Variants in CHCHD6 observed in about 807,000 individuals in gnomAD.
CHCHD6 encodes MICOS complex subunit MIC25.
Under a neutral mutation model 32.3 loss-of-function variants are expected in CHCHD6, and 28 were observed. The observed-to-expected ratio is 0.87, with a 90% CI of 0.64 to 1.19. The LOEUF (loss-of-function observed/expected upper bound fraction) is 1.19. Among genes scored for constraint, CHCHD6 ranks in the 50% most tolerant of loss-of-function variants. The pLI, the probability that CHCHD6 is intolerant of heterozygous loss-of-function variation, is 0.00. For missense variants in CHCHD6, 333 were observed against 307.0 expected, an observed-to-expected ratio of 1.08 and a Z score of -0.63; for synonymous variants, 122 against 117.5, an observed-to-expected ratio of 1.04 and a Z score of -0.25.
intron 6 of CHCHD6, among the ~76,000 whole-genome samples, chr3:126,934,351 C>T (rs2078447374): frequency 6.6e-6 from 1 of 152,090 alleles, no homozygotes; most frequent in Non-Finnish European, 1.5e-5. Context: ...GATTACCCTT[C>T]CCATTAGCTC....
intron 5 of CHCHD6, among the ~76,000 whole-genome samples, chr3:126,901,971 T>C (rs2077934668): frequency 6.6e-6 from 1 of 152,254 alleles, no homozygotes; most frequent in Admixed American, 6.5e-5. Context: ...CTACTCCTAC[T>C]GCCCTCCTTT....
At chr3:126,760,811 T>C (rs1287666908) in intron 4 of CHCHD6, among the ~76,000 whole-genome samples, 1 of 152,216 alleles carries the variant, frequency 6.6e-6, no homozygotes, top group Non-Finnish European at 1.5e-5. Flanking sequence ...TGCAAATATC[T>C]CTTCAAGACC....
At chr3:126,843,152 T>C (rs1477825891) in intron 4 of CHCHD6, among the ~76,000 whole-genome samples, 1 of 152,172 alleles carries the variant, frequency 6.6e-6, no homozygotes, top group African/African-American at 2.4e-5. Context: ...TTTTGTCAAA[T>C]GCTTTTCTTA....
chr3:126,870,049 G>A lies in CHCHD6; in HGVS notation c.495+17319G>A, dbSNP rs145923537. On this transcript the variant is annotated intron_variant, in intron 5 of 7. Transcript: ENST00000290913. ...CAGGTTGGAAAAGCATGGGCTTTGG[G>A]TTCATCCCTGGGTCAGATTCTTGTC... is the stretch of plus-strand genomic sequence containing the variant. Among the ~76,000 whole-genome samples, 242 of 152,270 alleles carry A rather than the reference G, an allele frequency of 1.6e-3. 2 individuals are homozygous for A. Among genetic ancestry groups the A allele is most frequent in the African/African-American group, 5.4e-3 (226 of 41,546 alleles).
chr3:126,941,621 G>T (rs1438154617), intron 6 of CHCHD6, among the ~76,000 whole-genome samples: 1 of 152,126 alleles, frequency 6.6e-6, no homozygotes, highest in Non-Finnish European at 1.5e-5. Context: ...GTCACTGTTG[G>T]TCTATTTTGA....
intron 4 of CHCHD6, among the ~76,000 whole-genome samples, chr3:126,734,859 G>T (rs550189589): frequency 6.6e-6 from 1 of 152,168 alleles, no homozygotes; most frequent in African/African-American, 2.4e-5. Context: ...GGCCTTGGAT[G>T]TGCTGAGGAG....
Position 126,852,324 on chromosome 3 carries a change from G to A in CHCHD6, c.412-323G>A, listed in dbSNP as rs968507053. On this transcript the variant is annotated intron_variant, in intron 4 of 7. Coordinates refer to ENST00000290913, the MANE Select transcript of CHCHD6 (RefSeq NM_032343.3). ...TCATCTGGCTTCTCATCTGTAGCAGGGGATCATGATGATCCCACCTGCCCT... is the reference window on the plus strand; with the variant it reads ...TCATCTGGCTTCTCATCTGTAGCAGAGGATCATGATGATCCCACCTGCCCT... Among the ~76,000 whole-genome samples, 5 of 152,234 alleles carry A rather than the reference G, an allele frequency of 3.3e-5. 1 individual carries two copies. The Middle Eastern group carries it at 0.014, about 414-fold the overall frequency.
At chr3:126,743,070 G>A (rs953709053) in intron 4 of CHCHD6, among the ~76,000 whole-genome samples, 2 of 152,084 alleles carry the variant, frequency 1.3e-5, no homozygotes, top group African/African-American at 4.8e-5. Context: ...CAAGGAGAAG[G>A]TGAAACGCAG....
At chr3:126,766,534 GTGA>G (rs1937377116) in intron 4 of CHCHD6, 2 of 906,832 alleles carry the variant, frequency 2.2e-6, no homozygotes, top group Non-Finnish European at 3.7e-6. Flanking sequence ...GTAGCCCATG[GTGA>G]CCTCTGAGAA....
chr3:126,866,047 G>A (rs371872859), intron 5 of CHCHD6, among the ~76,000 whole-genome samples: 65 of 152,168 alleles, frequency 4.3e-4, no homozygotes, highest in African/African-American at 1.5e-3. Flanking sequence ...TGAAAATGAG[G>A]ACACTGAGAG....
intron 4 of CHCHD6, among the ~76,000 whole-genome samples, chr3:126,820,842 A>G (rs1324033593): frequency 6.6e-6 from 1 of 152,188 alleles, no homozygotes; most frequent in African/African-American, 2.4e-5. Context: ...AATGTTCACT[A>G]TTCTAGTGGA....
At chr3:126,853,727 A>G (rs1230747150) in intron 5 of CHCHD6, among the ~76,000 whole-genome samples, 2 of 152,124 alleles carry the variant, frequency 1.3e-5, no homozygotes, top group African/African-American at 2.4e-5. Flanking sequence ...GTGATATTCC[A>G]TAGTCTGAGG....
chr3:126,823,457 T>C (rs1318383396), intron 4 of CHCHD6, among the ~76,000 whole-genome samples: 1 of 152,218 alleles, frequency 6.6e-6, no homozygotes, highest in African/African-American at 2.4e-5. Flanking sequence ...TATTTTTTGT[T>C]ATATTTATTC....
chr3:126,788,702 T>A (rs564662785), intron 4 of CHCHD6, among the ~76,000 whole-genome samples: 70 of 152,282 alleles, frequency 4.6e-4, no homozygotes, highest in Non-Finnish European at 7.6e-4. Context: ...TTGCATCTAT[T>A]TGATTCTTCT....
chr3:126,812,354 T>A (rs1939694048), intron 4 of CHCHD6, among the ~76,000 whole-genome samples: 1 of 151,720 alleles, frequency 6.6e-6, no homozygotes, highest in African/African-American at 2.4e-5. Context: ...CAATCTCATG[T>A]TAAAAATTTG....
intron 1 of CHCHD6, 125 bp from the exon 2 acceptor site, chr3:126,726,953 T>G: frequency 1.5e-6 from 1 of 671,204 alleles, no homozygotes; most frequent in Non-Finnish European, 2.6e-6. Flanking sequence ...TAGAATTGCT[T>G]TGTTGGAGTT....
chr3:126,872,426 C>T (rs988724860), intron 5 of CHCHD6, among the ~76,000 whole-genome samples: 2 of 152,124 alleles, frequency 1.3e-5, no homozygotes, highest in African/African-American at 4.8e-5. Context: ...TTGTATACCT[C>T]GTAATCACCT....
At chr3:126,800,807 G>A (rs905881098) in intron 4 of CHCHD6, among the ~76,000 whole-genome samples, 1 of 152,208 alleles carries the variant, frequency 6.6e-6, no homozygotes, top group Non-Finnish European at 1.5e-5. Flanking sequence ...CTTAACCACA[G>A]CCCTACAGGA....
At chr3:126,884,340 A>C (rs2077651743) in intron 5 of CHCHD6, among the ~76,000 whole-genome samples, 1 of 152,246 alleles carries the variant, frequency 6.6e-6, no homozygotes, top group Admixed American at 6.5e-5. Context: ...AACATTCAGC[A>C]AGAACCATTT....
Sources: allele counts gnomAD v4.1 joint callset (sites outside exome capture counted in the v4.1 genomes callset), GRCh38; gene constraint gnomAD v4.1.1; transcripts MANE v1.5; gene names NCBI Gene and HGNC (gene_info 2026-07-23, HGNC 2026-07-21).